The following GPR37 variants were observed in gnomAD, a reference collection of about 807,000 sequenced individuals.
The protein encoded by GPR37 is G protein-coupled receptor 37.
In GPR37, 20 loss-of-function variants were observed where a neutral mutation model predicts 43.6. The ratio of observed to expected loss-of-function variants is 0.46; its 90% CI spans 0.32 to 0.67. GPR37 has a LOEUF of 0.67. Among genes scored for constraint, GPR37 ranks in the 30% least tolerant of loss-of-function variants. The probability of loss-of-function intolerance (pLI) is 0.03; values close to 1 mark genes in which losing one functional copy is unlikely to be tolerated. For missense variants in GPR37, 724 were observed against 797.2 expected, an observed-to-expected ratio of 0.91 and a Z score of 1.11; for synonymous variants, 315 against 322.6, an observed-to-expected ratio of 0.98 and a Z score of 0.25.
rs1457028816 is a variant in GPR37, at chr7:124,746,676, C to T, written c.1691G>A (p.Cys564Tyr). 1.2e-6 allele frequency: 2 copies of T among 1,613,842 alleles called. No homozygotes were observed. Among genetic ancestry groups the T allele is most frequent in the Non-Finnish European group, 1.7e-6 (2 of 1,179,908 alleles). Residue 564 changes from cysteine (C) to tyrosine (Y), a missense_variant, in exon 2 of 2, where the codon TGC becomes TAC. Physicochemically the swap from Cys to Tyr is radical, Grantham distance 194. This residue lies in a region of GPR37 where 342 missense variants were observed against 441.8 expected (regional missense o/e 0.77). Transcript: ENST00000303921. Reference sequence around the variant, plus strand: ...AATGCATTCCTCACAGCAACAGCAGCAGCACTCCATGAAGGCCCGACTGAA... The same window carrying T: ...AATGCATTCCTCACAGCAACAGCAGTAGCACTCCATGAAGGCCCGACTGAA... ...KPFSRAFMEC[C>Y]CCCCEECIQK...
Position 124,746,893 on chromosome 7 carries a change from A to T in GPR37, c.1474T>A (p.Cys492Ser). The T allele has an allele frequency of 6.8e-6, 11 of 1,614,108 alleles. No homozygotes were observed. Among genetic ancestry groups the T allele is most frequent in the Non-Finnish European group, 9.3e-6 (11 of 1,179,956 alleles). ...RQIQLESQMNCTVVALTILYG... is the reference protein window; with the variant it reads ...RQIQLESQMNSTVVALTILYG... ...AAAATGGTCAGTGCCACTACTGTAC[A>T]GTTCATCTGACTCTCTAGTTGAATC... Residue 492 changes from cysteine (C) to serine (S), a missense_variant, in exon 2 of 2, where the codon TGT becomes AGT. This residue lies in a region of GPR37 where 342 missense variants were observed against 441.8 expected (regional missense o/e 0.77). Transcript: ENST00000303921.
At position 124,764,777 on chromosome 7, in the gene GPR37, A is replaced by T. The variant is rs1793896968; in HGVS notation, c.200T>A (p.Leu67Gln). 6.2e-7 allele frequency: 1 copy of T among 1,613,148 alleles called. No individual in the cohort carries two copies. The highest frequency in any genetic ancestry group is 1.3e-5 in the African/African-American group (1 of 74,934). Reference protein sequence around the residue: ...WGPGNSARDVLRARAPREEQG... With the variant: ...WGPGNSARDVQRARAPREEQG... ...CTCCTCCCTGGGTGCTCGGGCTCGC[A>T]GAACGTCTCTTGCAGAATTTCCCGG... Residue 67 changes from leucine (L) to glutamine (Q), a missense_variant, in exon 1 of 2, where the codon CTG becomes CAG. Transcript: ENST00000303921. The surrounding 1 kb of genome is among the most constrained non-coding windows in gnomAD (Gnocchi z 5.4).
At position 124,746,548 on chromosome 7, in the gene GPR37, C is replaced by G; in HGVS notation, c.1819G>C (p.Ala607Pro). 4 of 1,607,438 alleles carry G rather than the reference C, an allele frequency of 2.5e-6. No homozygotes were observed. The highest frequency in any genetic ancestry group is 3.4e-6 in the Non-Finnish European group (4 of 1,176,424). The change falls in exon 2 of 2, where the codon GCT (alanine) becomes CCT (proline). Residue 607 changes from alanine (A) to proline (P), a missense_variant. By Grantham distance (27) the Ala-to-Pro change is conservative (BLOSUM62 -1). Transcript: ENST00000303921. The stretch of plus-strand genomic sequence containing the variant: ...CTTCAGCAATGAGTTCCGACAGAAG[C>G]AAAAGTGGACATTTCACGGCGTATG... ...STIRREMSTF[A>P]SVGTHC
intron 1 of GPR37, among the ~76,000 whole-genome samples, chr7:124,757,065 T>A (rs1015676964): frequency 2.6e-5 from 4 of 152,190 alleles, no homozygotes; most frequent in African/African-American, 9.6e-5. Flanking sequence ...ACTCTGATTA[T>A]GTGCTTGAGA....
intron 1 of GPR37, among the ~76,000 whole-genome samples, chr7:124,755,257 T>A (rs1386455067): frequency 6.6e-6 from 1 of 152,098 alleles, no homozygotes; most frequent in Non-Finnish European, 1.5e-5. Context: ...ATATAATAAA[T>A]AACCATTTAT....
At chr7:124,761,752 T>C (rs1223479432) in intron 1 of GPR37, among the ~76,000 whole-genome samples, 1 of 152,198 alleles carries the variant, frequency 6.6e-6, no homozygotes, top group African/African-American at 2.4e-5. Context: ...TTCTCAGTAA[T>C]CAGGAATTAT....
intron 1 of GPR37, among the ~76,000 whole-genome samples, chr7:124,749,932 C>T (rs1429977291): frequency 6.6e-6 from 1 of 152,128 alleles, no homozygotes; most frequent in Non-Finnish European, 1.5e-5. Flanking sequence ...ATAATCTCCA[C>T]TTTCATCTTT....
chr7:124,746,398 G>A lies in GPR37; in HGVS notation c.*127C>T. The stretch of plus-strand genomic sequence containing the variant: ...ATTAATTTGTAAAATCAGTTCTACA[G>A]TAGTTAATATTTCTTTCTTTATTGT... On this transcript the variant is annotated 3_prime_UTR_variant, in exon 2 of 2. Coordinates refer to ENST00000303921, the MANE Select transcript of GPR37 (RefSeq NM_005302.5). 1.5e-6 allele frequency: 1 copy of A among 688,890 alleles called. No individual in the cohort carries two copies. The highest frequency in any genetic ancestry group is 2.3e-5 in the South Asian group (1 of 43,560). The allele number at this position is 688,890 out of a possible 1,614,324, so 42.7% of individuals were successfully genotyped here. A position where few individuals can be genotyped will look rare whatever the true frequency, so the allele number is the denominator to read the frequency against.
rs757840217 is a variant in GPR37 at position 124,747,304 on chromosome 7, G to A, written c.1063C>T (p.Leu355=). 6.2e-7 allele frequency: 1 copy of A among 1,613,576 alleles called. No individual in the cohort carries two copies. The highest frequency in any genetic ancestry group is 1.7e-5 in the Admixed American group (1 of 59,968). ...LGVTTFTLCA[L]CIDRFRAATN... is the part of the protein sequence containing the mutation. Reference sequence around the variant, plus strand: ...GCAGCACGGAAGCGGTCTATGCACAGAGCACATAAGGTGAAAGTGGTGACT... The same window carrying A: ...GCAGCACGGAAGCGGTCTATGCACAAAGCACATAAGGTGAAAGTGGTGACT... The change falls in exon 2 of 2, where the codon CTG becomes TTG. Residue 355 remains leucine, a synonymous_variant. Coordinates refer to ENST00000303921, the MANE Select transcript of GPR37 (RefSeq NM_005302.5).
At chr7:124,763,021 T>G (rs576916566) in intron 1 of GPR37, among the ~76,000 whole-genome samples, 1 of 152,342 alleles carries the variant, frequency 6.6e-6, no homozygotes, top group Admixed American at 6.5e-5. Context: ...AGAGGCCATT[T>G]AAAGAGCAAA....
Position 124,747,174 on chromosome 7 carries a change from AC to A in GPR37, c.1192del (p.Val398LeufsTer6). The A allele has an allele frequency of 6.2e-7, 1 of 1,614,004 alleles. No homozygotes were observed. ...VGALLLALPE[V>X]VLRQLSKEDL... Reference sequence around the variant, plus strand: ...CTCCTTGCTCAGCTGGCGGAGAACAACTTCTGGAAGTGCTAACAATAGAGCT... The same window carrying A: ...CTCCTTGCTCAGCTGGCGGAGAACAATTCTGGAAGTGCTAACAATAGAGCT... On this transcript the variant is annotated frameshift_variant, in exon 2 of 2. Transcript: ENST00000303921. LOFTEE classifies it high-confidence loss of function.
In GPR37 at chr7:124,747,286, G is replaced by A. The variant is rs777944423; in HGVS notation, c.1081C>T (p.Arg361Cys). Residue 361 changes from arginine (R) to cysteine (C), a missense_variant, in exon 2 of 2, where the codon CGT becomes TGT. Physicochemically the swap from Arg to Cys is radical, Grantham distance 180. Around this residue, in one of 2 missense-constraint regions of GPR37, gnomAD observed 342 missense variants for 441.8 expected, o/e 0.77. Transcript: ENST00000303921. Reference protein sequence around the residue: ...TLCALCIDRFRAATNVQMYYE... With the variant: ...TLCALCIDRFCAATNVQMYYE... Reference sequence around the variant, plus strand: ...TACATCTGTACGTTGGTGGCAGCACGGAAGCGGTCTATGCACAGAGCACAT... The same window carrying A: ...TACATCTGTACGTTGGTGGCAGCACAGAAGCGGTCTATGCACAGAGCACAT... The A allele has an allele frequency of 3.1e-6, 5 of 1,613,806 alleles. No individual in the cohort carries two copies. The highest frequency in any genetic ancestry group is 1.7e-5 in the Admixed American group (1 of 59,980).
At chr7:124,750,149 T>C (rs906063929) in intron 1 of GPR37, among the ~76,000 whole-genome samples, 1 of 152,172 alleles carries the variant, frequency 6.6e-6, no homozygotes, top group Admixed American at 6.6e-5. Context: ...AACAGTATCA[T>C]GTAGAAATTA....
intron 1 of GPR37, among the ~76,000 whole-genome samples, chr7:124,755,328 T>C (rs773344515): frequency 6.6e-5 from 10 of 152,188 alleles, no homozygotes; most frequent in Non-Finnish European, 1.3e-4. Flanking sequence ...GGGAAAAATA[T>C]TTTGAAAGCA....
Position 124,744,326 on chromosome 7 carries a change from A to G in GPR37, c.*2199T>C, listed in dbSNP as rs1368503571. On this transcript the variant is annotated 3_prime_UTR_variant, in exon 2 of 2. Transcript: ENST00000303921. ...TTAAAAGCAAAGCCCCATTTCCTGA[A>G]GCACCACCATGTAAACATCTTTCAA... 1.3e-5 allele frequency: 2 copies of G among 152,154 alleles called. No individual in the cohort carries two copies. The highest frequency in any genetic ancestry group is 2.4e-5 in the African/African-American group (1 of 41,430). 9.4% of individuals were successfully genotyped at this position (152,154 alleles called of 1,614,324 possible).
In GPR37 at chr7:124,764,608, T is replaced by G; in HGVS notation, c.369A>C (p.Lys123Asn). ...CAGAAGGCTCCTGACCCCGAGCACC[T>G]TTCCACCTCCAGGGGCCAGGTGGCC... ...PTRPPGPWRW[K>N]GARGQEPSET... Residue 123 changes from lysine (K) to asparagine (N), a missense_variant, in exon 1 of 2, where the codon AAA becomes AAC. Physicochemically the swap from Lys to Asn is moderately conservative, Grantham distance 94. This residue lies in a region of GPR37 where 382 missense variants were observed against 355.4 expected (regional missense o/e 1.07). Coordinates refer to ENST00000303921, the MANE Select transcript of GPR37 (RefSeq NM_005302.5). This position sits in a 1 kb window ranked among gnomAD's most constrained non-coding sequence, Gnocchi z 5.4. 2 of 1,599,074 alleles carry G rather than the reference T, an allele frequency of 1.3e-6. No homozygotes were observed. Among genetic ancestry groups the G allele is most frequent in the Non-Finnish European group, 1.7e-6 (2 of 1,171,332 alleles).
chr7:124,762,904 C>T (rs554784182), intron 1 of GPR37, among the ~76,000 whole-genome samples: 5 of 152,264 alleles, frequency 3.3e-5, no homozygotes, highest in African/African-American at 1.2e-4. Flanking sequence ...TCTTCTGCTT[C>T]CATAAATGAA....
chr7:124,756,372 A>G (rs1279751349), intron 1 of GPR37, among the ~76,000 whole-genome samples: 1 of 152,222 alleles, frequency 6.6e-6, no homozygotes, highest in Non-Finnish European at 1.5e-5. Context: ...GTACAGACAG[A>G]TAACACTGAA....
chr7:124,763,567 G>GTT (rs60841771), intron 1 of GPR37, among the ~76,000 whole-genome samples: 1,738 of 147,258 alleles, frequency 0.012, 27 homozygotes, highest in African/African-American at 0.035. Context: ...AAATGCTAAT[G>GTT]TTTTTTTTTT....
Sources: allele counts gnomAD v4.1 joint callset (sites outside exome capture counted in the v4.1 genomes callset), GRCh38; gene constraint gnomAD v4.1.1; regional missense constraint gnomAD v4.1.1; non-coding constraint Gnocchi (gnomAD v3.1); transcripts MANE v1.5; gene names NCBI Gene and HGNC (gene_info 2026-07-23, HGNC 2026-07-21).